Variants in MICAL3 observed in about 807,000 individuals in gnomAD.
MICAL3 encodes microtubule associated monooxygenase, calponin and LIM domain containing 3.
Under a neutral mutation model 207.4 loss-of-function variants are expected in MICAL3, and 62 were observed. That is an observed-to-expected ratio of 0.30 (90% CI 0.24 to 0.37). The LOEUF (loss-of-function observed/expected upper bound fraction) is 0.37, where lower values mean the gene tolerates loss of function less well. Ranked by LOEUF, MICAL3 falls within the 10% of genes least tolerant of loss-of-function variation. MICAL3 has a pLI of 1.00. For synonymous variants in MICAL3, 1,077 were observed against 1,069.3 expected (o/e 1.01, Z -0.14); for missense variants, 2,368 against 2,635.6 (o/e 0.90, Z 2.22).
At chr22:17,939,124 A>C (rs1265621226) in intron 1 of MICAL3, among the ~76,000 whole-genome samples, 1 of 152,124 alleles carries the variant, frequency 6.6e-6, no homozygotes, top group Non-Finnish European at 1.5e-5. Flanking sequence ...GAAGAGGAGA[A>C]AGTGACTTAA....
At chr22:17,987,045 C>T (rs1274544276) in intron 1 of MICAL3, among the ~76,000 whole-genome samples, 1 of 151,932 alleles carries the variant, frequency 6.6e-6, no homozygotes, top group African/African-American at 2.4e-5. Flanking sequence ...CGAGGCCAGC[C>T]TGGGCAACAC....
chr22:17,998,254 C>A (rs1242103010), intron 1 of MICAL3, among the ~76,000 whole-genome samples: 1 of 152,152 alleles, frequency 6.6e-6, no homozygotes, highest in African/African-American at 2.4e-5. Context: ...TGAGCCAAGA[C>A]TGCGCCATTG....
At chr22:17,972,816 G>A (rs1935477549) in intron 1 of MICAL3, among the ~76,000 whole-genome samples, 1 of 152,258 alleles carries the variant, frequency 6.6e-6, no homozygotes, top group Admixed American at 6.5e-5. Flanking sequence ...GAAATTCCAT[G>A]CATAAGCCAG....
intron 1 of MICAL3, among the ~76,000 whole-genome samples, chr22:17,957,743 C>CGAGAGA (rs35596616): frequency 1.7e-4 from 24 of 138,384 alleles, no homozygotes; most frequent in African/African-American, 4.9e-4. Flanking sequence ...AGAAAGAAAA[C>CGAGAGA]GAGAGAGAGA....
rs576383654 is a variant in MICAL3, at chr22:17,842,012, C to G, written c.2611G>C (p.Gly871Arg). The change falls in exon 20 of 32, where the codon GGC becomes CGC. Residue 871 changes from glycine (G) to arginine (R), a missense_variant. Physicochemically the swap from Gly to Arg is moderately radical, Grantham distance 125. Around this residue, in one of 4 missense-constraint regions of MICAL3, gnomAD observed 1,770 missense variants for 1,863.2 expected, o/e 0.95. Transcript: ENST00000441493. Reference protein sequence around the residue: ...ASSTERTPGSGVNGLEEPSIA... With the variant: ...ASSTERTPGSRVNGLEEPSIA... ...CTGGGCTCCTCCAGGCCGTTCACGCCTGAACCTGCGGGACAAGCACAGAAG... is the reference window on the plus strand; with the variant it reads ...CTGGGCTCCTCCAGGCCGTTCACGCGTGAACCTGCGGGACAAGCACAGAAG... 4 of 1,600,708 alleles carry G rather than the reference C, an allele frequency of 2.5e-6. No individual in the cohort carries two copies. The highest frequency in any genetic ancestry group is 3.4e-6 in the Non-Finnish European group (4 of 1,178,906).
At chr22:18,020,204 T>C (rs1333516793) in intron 1 of MICAL3, 1 of 153,066 alleles carries the variant, frequency 6.5e-6, no homozygotes, top group African/African-American at 2.4e-5. Flanking sequence ...AGTGATATGA[T>C]TCTACTGCAA....
intron 19 of MICAL3, chr22:17,860,254 A>C: frequency 4.1e-6 from 4 of 985,408 alleles, no homozygotes; most frequent in Non-Finnish European, 4.8e-6. Context: ...TCAACGGCAA[A>C]AACAAAGTTA....
intron 1 of MICAL3, among the ~76,000 whole-genome samples, chr22:17,999,649 T>A (rs1428229735): frequency 6.6e-6 from 1 of 152,158 alleles, no homozygotes; most frequent in Non-Finnish European, 1.5e-5. Flanking sequence ...AACAGGATCA[T>A]CCCAGGTGGG....
chr22:17,930,082 TAGTCACAGGAAGTCCATC>T (rs752979311), intron 1 of MICAL3, among the ~76,000 whole-genome samples: 95 of 152,286 alleles, frequency 6.2e-4, no homozygotes, highest in Middle Eastern at 6.8e-3. Context: ...TTTAACATAT[TAGTCACAGGAAGTCCATC>T]AAAACCATAA....
chr22:17,965,822 G>T (rs1935119068), intron 1 of MICAL3, among the ~76,000 whole-genome samples: 3 of 152,218 alleles, frequency 2.0e-5, no homozygotes, highest in Non-Finnish European at 1.5e-5. Context: ...AGAAAGGTCA[G>T]ATCACTTGTC....
intron 23 of MICAL3, 24 bp from the exon 24 acceptor site, chr22:17,822,194 T>A (rs760845517): frequency 6.2e-7 from 1 of 1,610,420 alleles, no homozygotes; most frequent in Admixed American, 1.7e-5. Context: ...GGGGCAGAAG[T>A]GGGTGCACAC....
chr22:17,849,644 A>ATGTGTGTGTGTG (rs149239378), intron 19 of MICAL3, among the ~76,000 whole-genome samples: 2 of 79,464 alleles, frequency 2.5e-5, no homozygotes, highest in Admixed American at 1.7e-4. Flanking sequence ...CCAGAATGGA[A>ATGTGTGTGTGTG]TGTGTGTGTG....
At chr22:17,998,841 C>A (rs527987309) in intron 1 of MICAL3, among the ~76,000 whole-genome samples, 8 of 152,210 alleles carry the variant, frequency 5.3e-5, no homozygotes, top group African/African-American at 1.9e-4. Flanking sequence ...TGTGAGCCAC[C>A]GCGCCGGGCC....
At chr22:17,939,653 T>C (rs573230796) in intron 1 of MICAL3, among the ~76,000 whole-genome samples, 1 of 152,340 alleles carries the variant, frequency 6.6e-6, no homozygotes, top group South Asian at 2.1e-4. Context: ...ATGGCATCAA[T>C]GATTTCCAAA....
intron 1 of MICAL3, among the ~76,000 whole-genome samples, chr22:18,017,244 G>C (rs995411443): frequency 6.7e-6 from 1 of 149,070 alleles, no homozygotes; most frequent in South Asian, 2.1e-4. Flanking sequence ...ACGGAGTCTC[G>C]CTCTTCTTGC....
intron 16 of MICAL3, chr22:17,876,980 TAGGGAGGTTAGGGAGGTG>T (rs1444448970): frequency 1.1e-5 from 1 of 87,974 alleles, no homozygotes; most frequent in Non-Finnish European, 2.2e-5. Flanking sequence ...TTATGGAGGT[TAGGGAGGTTAGGGAGGTG>T]AGGGAGGTTA....
At chr22:17,926,472 C>G (rs184979894) in intron 1 of MICAL3, among the ~76,000 whole-genome samples, 66 of 152,368 alleles carry the variant, frequency 4.3e-4, no homozygotes, top group Non-Finnish European at 7.9e-4. Context: ...CCTTGGCCCT[C>G]TTTCTATTTT....
chr22:17,976,275 C>T (rs13057356), intron 1 of MICAL3, among the ~76,000 whole-genome samples: 8,004 of 152,040 alleles, frequency 0.053, 314 homozygotes, highest in Non-Finnish European at 0.083. Flanking sequence ...TGTTAAATTC[C>T]GTGTCTTATA....
At chr22:17,967,288 G>A (rs1033537682) in intron 1 of MICAL3, among the ~76,000 whole-genome samples, 1 of 152,060 alleles carries the variant, frequency 6.6e-6, no homozygotes, top group Non-Finnish European at 1.5e-5. Context: ...CAATAAAAAA[G>A]CTACTAAGAA....
Sources: gnomAD v4.1 joint callset for allele counts (sites outside exome capture counted in the v4.1 genomes callset) on GRCh38, gnomAD v4.1.1 for gene constraint, gnomAD v4.1.1 regional missense constraint, MANE v1.5 for transcripts, NCBI Gene and HGNC (gene_info 2026-07-23, HGNC 2026-07-21) for gene names.